The following CTNNA3 variants were observed in gnomAD, a reference collection of about 807,000 sequenced individuals.
CTNNA3 encodes catenin alpha-3.
A neutral mutation model predicts 95.7 loss-of-function variants in CTNNA3; 76 were observed. That is an observed-to-expected ratio of 0.79 (90% CI 0.66 to 0.96). The LOEUF is 0.96. CTNNA3 is among the 40% of genes least tolerant of loss of function. CTNNA3 has a pLI of 0.00. For missense variants in CTNNA3, 1,191 were observed against 1,089.8 expected, an observed-to-expected ratio of 1.09 and a Z score of -1.31; for synonymous variants, 431 against 374.4, an observed-to-expected ratio of 1.15 and a Z score of -1.74.
chr10:67,753,711 A>T (rs1841419194), intron 1 of CTNNA3, among the ~76,000 whole-genome samples: 1 of 152,220 alleles, frequency 6.6e-6, no homozygotes, highest in African/African-American at 2.4e-5. Flanking sequence ...AAACTTATGA[A>T]AAAAAGCTCA....
chr10:67,687,197 G>C (rs1840749451), intron 1 of CTNNA3, among the ~76,000 whole-genome samples: 1 of 152,134 alleles, frequency 6.6e-6, no homozygotes, highest in Non-Finnish European at 1.5e-5. Context: ...GGCCCTCAAT[G>C]GTTAAACATA....
chr10:67,169,054 A>G (rs1861902372), intron 7 of CTNNA3, among the ~76,000 whole-genome samples: 1 of 152,210 alleles, frequency 6.6e-6, no homozygotes, highest in Non-Finnish European at 1.5e-5. Context: ...CAAAAAGACT[A>G]AAATGCTTAT....
chr10:65,935,527 C>G (rs551238961), intron 17 of CTNNA3, among the ~76,000 whole-genome samples: 29 of 152,202 alleles, frequency 1.9e-4, no homozygotes, highest in African/African-American at 6.7e-4. Flanking sequence ...TTACAGAAAT[C>G]TTATTGAAAA....
chr10:67,665,409 T>C (rs992528103), intron 1 of CTNNA3: 1 of 152,224 alleles, frequency 6.6e-6, no homozygotes, highest in African/African-American at 2.4e-5. Flanking sequence ...TAGTTTCTAT[T>C]CATCCCATTT....
intron 10 of CTNNA3, among the ~76,000 whole-genome samples, chr10:66,594,674 T>C (rs1219667323): frequency 6.6e-6 from 1 of 152,164 alleles, no homozygotes; most frequent in African/African-American, 2.4e-5. Flanking sequence ...CAAGGCATTT[T>C]TGTTTTTTGC....
At chr10:65,969,674 A>G (rs1240732037) in intron 16 of CTNNA3, among the ~76,000 whole-genome samples, 1 of 152,192 alleles carries the variant, frequency 6.6e-6, no homozygotes, top group Admixed American at 6.5e-5. Flanking sequence ...AAAGAATTTC[A>G]GATCTTGAAG....
At chr10:67,034,896 T>C (rs1474203784) in intron 7 of CTNNA3, among the ~76,000 whole-genome samples, 1 of 152,268 alleles carries the variant, frequency 6.6e-6, no homozygotes, top group African/African-American at 2.4e-5. Flanking sequence ...TTTGATCATG[T>C]TGACATATCT....
At chr10:66,842,286 A>T (rs1415128915) in intron 7 of CTNNA3, among the ~76,000 whole-genome samples, 2 of 151,996 alleles carry the variant, frequency 1.3e-5, no homozygotes, top group Non-Finnish European at 2.9e-5. Context: ...ATAATATATT[A>T]GTATTGTAAT....
rs188676018 is a variant in CTNNA3, at chr10:66,422,538, A to T, written c.1532-43186T>A. Among the ~76,000 whole-genome samples, 747 of 150,290 alleles carry T rather than the reference A, an allele frequency of 5.0e-3. 6 individuals carry two copies. The highest frequency in any genetic ancestry group is 0.012 in the African/African-American group (497 of 40,924). On this transcript the variant is annotated intron_variant, in intron 11 of 17. Coordinates refer to ENST00000433211, the MANE Select transcript of CTNNA3 (RefSeq NM_013266.4). ...TGTTTCTTTTTCAAAACAAGAAGCT[A>T]TTTTTTTTTCAAAACAAGAGGCTGT...
chr10:66,486,818 TACACACACAC>T (rs373131708), intron 11 of CTNNA3, among the ~76,000 whole-genome samples: 3 of 140,806 alleles, frequency 2.1e-5, no homozygotes, highest in African/African-American at 7.9e-5. Flanking sequence ...GATGAACAAA[TACACACACAC>T]ACACACACAC....
chr10:66,333,216 GT>G (rs1230947364), intron 12 of CTNNA3, among the ~76,000 whole-genome samples: 1 of 151,814 alleles, frequency 6.6e-6, no homozygotes, highest in African/African-American at 2.4e-5. Flanking sequence ...GGTTTTTTGT[GT>G]CTCTATCTAC....
chr10:66,814,075 T>C (rs1205951762), intron 7 of CTNNA3, among the ~76,000 whole-genome samples: 1 of 152,034 alleles, frequency 6.6e-6, no homozygotes, highest in African/African-American at 2.4e-5. Flanking sequence ...GGATGACTTA[T>C]AAGGTTGCTA....
intron 5 of CTNNA3, among the ~76,000 whole-genome samples, chr10:67,231,887 G>A (rs556052408): frequency 8.5e-5 from 13 of 152,292 alleles, no homozygotes; most frequent in East Asian, 7.7e-4. Context: ...GAGCCGATGC[G>A]ATCAACTGGA....
chr10:67,647,391 T>C, intron 2 of CTNNA3, 24 bp downstream of exon 2: 1 of 1,528,464 alleles, frequency 6.5e-7, no homozygotes, highest in Non-Finnish European at 9.0e-7. Context: ...TTACTATATA[T>C]CATAATTTCC....
chr10:66,468,621 A>G (rs76818796), intron 11 of CTNNA3, among the ~76,000 whole-genome samples: 5,530 of 152,000 alleles, frequency 0.036, 355 homozygotes, highest in African/African-American at 0.13. Flanking sequence ...ATAACTTCTC[A>G]GCACACACAT....
intron 5 of CTNNA3, among the ~76,000 whole-genome samples, chr10:67,343,720 C>G (rs946793166): frequency 2.6e-5 from 4 of 151,718 alleles, no homozygotes; most frequent in Non-Finnish European, 5.9e-5. Context: ...TTCACTTCTT[C>G]CTTTCCAATT....
chr10:66,905,320 T>G (rs769821373), intron 7 of CTNNA3, among the ~76,000 whole-genome samples: 1 of 151,908 alleles, frequency 6.6e-6, no homozygotes, highest in Admixed American at 6.6e-5. Context: ...AATTGAACAA[T>G]AAGAACACAT....
At chr10:66,736,231 G>A (rs1849135533) in intron 9 of CTNNA3, among the ~76,000 whole-genome samples, 1 of 152,000 alleles carries the variant, frequency 6.6e-6, no homozygotes, top group African/African-American at 2.4e-5. Context: ...TGTCGCCCAG[G>A]CTGGAGTGCA....
chr10:66,620,150 T>A (rs969501568), intron 10 of CTNNA3, among the ~76,000 whole-genome samples: 2 of 152,140 alleles, frequency 1.3e-5, no homozygotes, highest in Non-Finnish European at 2.9e-5. Flanking sequence ...GTTGATAGAA[T>A]GTCTTAACGA....
Sources: allele counts gnomAD v4.1 joint callset (sites outside exome capture counted in the v4.1 genomes callset), GRCh38; gene constraint gnomAD v4.1.1; transcripts MANE v1.5; gene names NCBI Gene and HGNC (gene_info 2026-07-23, HGNC 2026-07-21).